Variants in PTBP3 observed in about 807,000 individuals in gnomAD.
PTBP3 encodes polypyrimidine tract binding protein 3.
PTBP3 carries 20 observed loss-of-function variants against 58.7 expected under a neutral mutation model. The observed-to-expected ratio is 0.34, with a 90% CI of 0.24 to 0.50. PTBP3 has a LOEUF of 0.50. Ranked by LOEUF, PTBP3 falls within the 20% of genes least tolerant of loss-of-function variation. The pLI, the probability that PTBP3 is intolerant of heterozygous loss-of-function variation, is 0.98. For missense variants in PTBP3, 509 were observed against 637.2 expected, an observed-to-expected ratio of 0.80 and a Z score of 2.17; for synonymous variants, 185 against 219.8, an observed-to-expected ratio of 0.84 and a Z score of 1.40.
chr9:112,230,428 T>C (rs747919098), intron 10 of PTBP3, among the ~76,000 whole-genome samples: 2 of 152,162 alleles, frequency 1.3e-5, no homozygotes, highest in Admixed American at 1.3e-4. Flanking sequence ...GTCAGACATA[T>C]TCAAACACAA....
chr9:112,221,029 A>T lies in PTBP3; in HGVS notation c.*2822T>A. 1 of 978,518 alleles carries T rather than the reference A, an allele frequency of 1.0e-6. No homozygotes were observed. The highest frequency in any genetic ancestry group is 1.7e-5 in the African/African-American group (1 of 57,176). The allele number at this position is 978,518 out of a possible 1,614,324, so 60.6% of individuals were successfully genotyped here. A position where few individuals can be genotyped will look rare whatever the true frequency, so the allele number is the denominator to read the frequency against. On this transcript the variant is annotated 3_prime_UTR_variant, in exon 14 of 14. Transcript: ENST00000374257. ...TCTTTTTTTTACAAAAACTATGCCA[A>T]CACAAATACTGTAGACCTCTATAAT... is the stretch of plus-strand genomic sequence containing the variant.
At chr9:112,218,076 G>A (rs1337193383), downstream of PTBP3, 2 of 152,308 alleles carry the variant, frequency 1.3e-5, no homozygotes, top group East Asian at 3.9e-4. Context: ...TGTTCCAACT[G>A]TAGTTTGGCA....
chr9:112,300,958 A>G (rs1434056599), intron 1 of PTBP3, among the ~76,000 whole-genome samples: 1 of 146,224 alleles, frequency 6.8e-6, no homozygotes, highest in African/African-American at 2.6e-5. Context: ...AACAAAAAAA[A>G]TGGATTATCA....
intron 3 of PTBP3, 98 bp from the exon 4 acceptor site, chr9:112,268,293 T>C: frequency 8.6e-7 from 1 of 1,167,442 alleles, no homozygotes; most frequent in Non-Finnish European, 1.1e-6. Flanking sequence ...CCATGCACTC[T>C]CAAGTAAAAT....
At chr9:112,311,562 C>A (rs1330071903) in intron 1 of PTBP3, among the ~76,000 whole-genome samples, 1 of 152,112 alleles carries the variant, frequency 6.6e-6, no homozygotes. Context: ...TTTATACATG[C>A]AGGCAGACTT....
At chr9:112,330,949 G>A (rs750852305) in intron 1 of PTBP3, among the ~76,000 whole-genome samples, 13 of 152,110 alleles carry the variant, frequency 8.5e-5, no homozygotes. Flanking sequence ...ATATAGTTAA[G>A]ACAGTCTCTC....
chr9:112,267,269 C>A (rs1011890394), intron 4 of PTBP3, among the ~76,000 whole-genome samples: 42 of 152,096 alleles, frequency 2.8e-4, no homozygotes, highest in African/African-American at 9.6e-4. Flanking sequence ...AGGCTCACGC[C>A]ATTCCCCTGT....
chr9:112,307,971 C>T (rs1829298416), intron 1 of PTBP3, among the ~76,000 whole-genome samples: 2 of 152,200 alleles, frequency 1.3e-5, no homozygotes, highest in Admixed American at 1.3e-4. Flanking sequence ...GTTAGCTCAT[C>T]AGCTATCGTT....
At chr9:112,364,183 T>G in the PTBP3 span, among the ~76,000 whole-genome samples, 1 of 94,034 alleles carries the variant, frequency 1.1e-5, no homozygotes. Context: ...AGTTCTTTTT[T>G]TTTTTTTTTT....
At position 112,220,200 on chromosome 9, in the gene PTBP3, G is replaced by A. The variant is rs567467787; in HGVS notation, c.*3651C>T. On this transcript the variant is annotated 3_prime_UTR_variant, in exon 14 of 14. Transcript: ENST00000374257. ...ATTTTTTGTCCAAAAATATCTCGTGGGAACAGAAGAGAAACTGCATGACAA... is the reference window on the plus strand; with the variant it reads ...ATTTTTTGTCCAAAAATATCTCGTGAGAACAGAAGAGAAACTGCATGACAA... 10 of 1,345,620 alleles carry A rather than the reference G, an allele frequency of 7.4e-6. No individual in the cohort carries two copies. In the East Asian group the frequency reaches 3.7e-4, roughly 50 times the overall value. The allele number at this position is 1,345,620 out of a possible 1,614,324, so 83.4% of individuals were successfully genotyped here.
chr9:112,262,589 G>C lies in PTBP3; in HGVS notation c.362C>G (p.Ala121Gly). Reference protein sequence around the residue: ...DNLPNQARAQAALQAVSAVQS... With the variant: ...DNLPNQARAQGALQAVSAVQS... Reference sequence around the variant, plus strand: ...GACGGCACTGACAGCCTGCAGTGCAGCTTGGGCTCGCTATAGAACAACCCA... The same window carrying C: ...GACGGCACTGACAGCCTGCAGTGCACCTTGGGCTCGCTATAGAACAACCCA... Residue 121 changes from alanine (A) to glycine (G), a missense_variant, in exon 5 of 14, where the codon GCT becomes GGT. This residue lies in a region of PTBP3 where 212 missense variants were observed against 215.3 expected (regional missense o/e 0.98). Transcript: ENST00000374257. The C allele has an allele frequency of 6.3e-7, 1 of 1,597,272 alleles. No homozygotes were observed. The highest frequency in any genetic ancestry group is 8.5e-7 in the Non-Finnish European group (1 of 1,173,790).
chr9:112,305,277 T>C (rs1164306691), intron 1 of PTBP3, among the ~76,000 whole-genome samples: 2 of 122,252 alleles, frequency 1.6e-5, no homozygotes, highest in South Asian at 2.7e-4. Context: ...TTTTTTTTTT[T>C]CTGCCTAGTG....
intron 5 of PTBP3, among the ~76,000 whole-genome samples, chr9:112,253,702 G>C (rs928919851): frequency 6.6e-6 from 1 of 152,036 alleles, no homozygotes; most frequent in Admixed American, 6.6e-5. Context: ...TGTTGTTCTC[G>C]TGATAGGGAG....
At chr9:112,224,063 C>T in intron 13 of PTBP3, 70 bp downstream of exon 13, 1 of 1,549,932 alleles carries the variant, frequency 6.5e-7, no homozygotes, top group Non-Finnish European at 8.8e-7. Context: ...GAAGACTTCA[C>T]TGAACTACCT....
chr9:112,339,627 G>A, the PTBP3 span, among the ~76,000 whole-genome samples: 1 of 148,458 alleles, frequency 6.7e-6, no homozygotes, highest in South Asian at 2.1e-4. Flanking sequence ...GCAGTGGAAT[G>A]ATCTCGGCTC....
intron 1 of PTBP3, among the ~76,000 whole-genome samples, chr9:112,325,949 T>C (rs537744411): frequency 6.6e-6 from 1 of 152,212 alleles, no homozygotes; most frequent in South Asian, 2.1e-4. Flanking sequence ...GCCCAGGAAG[T>C]TGAGACTGAG....
intron 7 of PTBP3, among the ~76,000 whole-genome samples, chr9:112,240,373 C>G (rs1191402671): frequency 6.6e-6 from 1 of 152,068 alleles, no homozygotes; most frequent in Admixed American, 6.6e-5. Context: ...TCCACATATA[C>G]AATGGTGGTC....
At position 112,220,314 on chromosome 9, in the gene PTBP3, C is replaced by T; in HGVS notation, c.*3537G>A. The T allele has an allele frequency of 7.6e-7, 1 of 1,307,220 alleles. No individual in the cohort carries two copies. Among genetic ancestry groups the T allele is most frequent in the Non-Finnish European group, 1.0e-6 (1 of 998,216 alleles). The allele number at this position is 1,307,220 out of a possible 1,614,324, so 81.0% of individuals were successfully genotyped here. On this transcript the variant is annotated 3_prime_UTR_variant, in exon 14 of 14. Coordinates refer to ENST00000374257, the MANE Select transcript of PTBP3 (RefSeq NM_001163788.4). ...GGCGTGGTGGCTCATGCCTGTAATC[C>T]CAGCACTGTGGGGAGGTGGAAGCAG...
At chr9:112,346,335 T>C in the PTBP3 span, among the ~76,000 whole-genome samples, 8 of 151,840 alleles carry the variant, frequency 5.3e-5, no homozygotes, top group Non-Finnish European at 8.8e-5. Context: ...CCCAGCTAAT[T>C]TTTGTATTTT....
Sources: allele counts gnomAD v4.1 joint callset (sites outside exome capture counted in the v4.1 genomes callset), GRCh38; gene constraint gnomAD v4.1.1; regional missense constraint gnomAD v4.1.1; transcripts MANE v1.5; gene names NCBI Gene and HGNC (gene_info 2026-07-23, HGNC 2026-07-21).